SCN7A: variants seen among roughly 807,000 people sequenced by gnomAD.
SCN7A encodes sodium channel protein type 7 subunit alpha.
A neutral mutation model predicts 155.2 loss-of-function variants in SCN7A; 138 were observed. The observed-to-expected ratio is 0.89, with a 90% confidence interval of 0.77 to 1.02. The LOEUF is 1.02. Ranked by LOEUF, SCN7A falls within the 50% of genes least tolerant of loss-of-function variation. The probability of loss-of-function intolerance (pLI) is 0.00; values close to 1 mark genes in which losing one functional copy is unlikely to be tolerated. For missense variants in SCN7A, 2,058 were observed against 1,986.6 expected, an observed-to-expected ratio of 1.04 and a Z score of -0.68; for synonymous variants, 693 against 649.0, an observed-to-expected ratio of 1.07 and a Z score of -1.03.
At chr2:166,415,858 A>G (rs1701364125) in intron 21 of SCN7A, among the ~76,000 whole-genome samples, 1 of 152,172 alleles carries the variant, frequency 6.6e-6, no homozygotes, top group South Asian at 2.1e-4. Flanking sequence ...TTTTTAGGGA[A>G]CAAGGGAAGA....
chr2:166,477,588 C>A lies in SCN7A; in HGVS notation c.109G>T (p.Asp37Tyr), dbSNP rs369510530. 76 of 1,591,412 alleles carry A rather than the reference C, an allele frequency of 4.8e-5. No individual in the cohort carries two copies. Among genetic ancestry groups the A allele is most frequent in the Non-Finnish European group, 6.3e-5 (74 of 1,167,158 alleles). ...KTHNEDHEEE[D>Y]LKPTPDLEVG... ...TCCAAATCAGGAGTTGGCTTTAAGT[C>A]TTCTTCTTCATGGTCTTCATTATGT... is the stretch of plus-strand genomic sequence containing the variant. Residue 37 changes from aspartate to tyrosine, a missense_variant, in exon 3 of 26, where the codon GAC (aspartate) becomes TAC (tyrosine). Coordinates refer to ENST00000643258, the MANE Select transcript of SCN7A (RefSeq NM_002976.4).
chr2:166,471,729 G>GT (rs1051954923), intron 6 of SCN7A, among the ~76,000 whole-genome samples: 1 of 149,908 alleles, frequency 6.7e-6, no homozygotes, highest in Non-Finnish European at 1.5e-5. Context: ...AAAATGTGGG[G>GT]GGGGGGGTGG....
intron 2 of SCN7A, among the ~76,000 whole-genome samples, chr2:166,482,332 A>G (rs989231246): frequency 1.3e-5 from 2 of 152,128 alleles, no homozygotes; most frequent in African/African-American, 2.4e-5. Context: ...AAAATGGTTT[A>G]AACACCTTCC....
intron 11 of SCN7A, among the ~76,000 whole-genome samples, chr2:166,450,541 C>G (rs1220233503): frequency 6.6e-5 from 10 of 152,072 alleles, no homozygotes; most frequent in Non-Finnish European, 1.3e-4. Context: ...GTGGCTCACG[C>G]CTGTAATCCC....
chr2:166,453,960 C>T (rs1702227027), intron 11 of SCN7A, among the ~76,000 whole-genome samples: 1 of 151,816 alleles, frequency 6.6e-6, no homozygotes. Flanking sequence ...ATAAAATGTT[C>T]TAGGAATCTT....
chr2:166,407,416 G>A (rs1701099009), intron 25 of SCN7A, among the ~76,000 whole-genome samples: 1 of 151,920 alleles, frequency 6.6e-6, no homozygotes, highest in African/African-American at 2.4e-5. Flanking sequence ...GAGTTGAGAA[G>A]GTAGTGGAAG....
At chr2:166,413,217 C>G (rs1701240849) in intron 21 of SCN7A, 96 bp from the exon 22 acceptor site, 3 of 651,370 alleles carry the variant, frequency 4.6e-6, no homozygotes, top group Non-Finnish European at 5.3e-6. Flanking sequence ...TTGACATAGG[C>G]TTGCCACACT....
chr2:166,485,275 T>A (rs1157744187), intron 2 of SCN7A, among the ~76,000 whole-genome samples: 1 of 152,176 alleles, frequency 6.6e-6, no homozygotes, highest in Non-Finnish European at 1.5e-5. Flanking sequence ...CACTGGTGGA[T>A]CTGGTTCTAC....
At chr2:166,468,720 T>C (rs1702589920) in intron 7 of SCN7A, among the ~76,000 whole-genome samples, 1 of 152,072 alleles carries the variant, frequency 6.6e-6, no homozygotes, top group Admixed American at 6.6e-5. Context: ...GATACACATG[T>C]ACAGTTTGAG....
chr2:166,462,393 T>C lies in SCN7A; in HGVS notation c.1079A>G (p.His360Arg). The change falls in exon 10 of 26, where the codon CAC becomes CGC. Residue 360 changes from histidine (H) to arginine (R), a missense_variant. Coordinates refer to ENST00000643258, the MANE Select transcript of SCN7A (RefSeq NM_002976.4). Reference sequence around the variant, plus strand: ...ACAATTTCTCTCTGTTCTTACCTGGTGATAAAGTACTTCAGGGTAATCCTG... The same window carrying C: ...ACAATTTCTCTCTGTTCTTACCTGGCGATAAAGTACTTCAGGGTAATCCTG... ...MAQDYPEVLYHQILYASGKVY... is the reference protein window; with the variant it reads ...MAQDYPEVLYRQILYASGKVY... The C allele has an allele frequency of 6.3e-7, 1 of 1,587,342 alleles. No individual in the cohort carries two copies. Among genetic ancestry groups the C allele is most frequent in the East Asian group, 2.3e-5 (1 of 44,186 alleles).
rs1386691892 is a variant in SCN7A at position 166,456,911 on chromosome 2, G to A, written c.1249C>T (p.Gln417Ter). The part of the protein sequence containing the change: ...ISKKIEPKFQ[Q>*]TGKELQEGNE... ...CCTTCTTGAAGTTCTTTTCCAGTCT[G>A]TTGAAATTTTGGTTCAATCTTCTTA... Residue 417 changes from glutamine (Q) to a stop codon, truncating the protein, a stop_gained, in exon 11 of 26, where the codon CAG (glutamine) becomes TAG (stop). Transcript: ENST00000643258. LOFTEE classifies it high-confidence loss of function. 2 of 1,555,942 alleles carry A rather than the reference G, an allele frequency of 1.3e-6. No individual in the cohort carries two copies. Among genetic ancestry groups the A allele is most frequent in the African/African-American group, 2.7e-5 (2 of 73,310 alleles).
chr2:166,444,770 C>T lies in SCN7A; in HGVS notation c.1618G>A (p.Gly540Arg), dbSNP rs1382851032. The T allele has an allele frequency of 6.4e-7, 1 of 1,558,944 alleles. No homozygotes were observed. Among genetic ancestry groups the T allele is most frequent in the Non-Finnish European group, 8.8e-7 (1 of 1,140,578 alleles). Reference sequence around the variant, plus strand: ...TACAATGAGAGTCTTACCAGGTTTCCAATGTTGAGAAGAGTGTTAGTTTGT... The same window carrying T: ...TACAATGAGAGTCTTACCAGGTTTCTAATGTTGAGAAGAGTGTTAGTTTGT... The part of the protein sequence containing the change: ...SKQTNTLLNI[G>R]NLVFIGIFTA... The change falls in exon 13 of 26, where the codon GGA becomes AGA. Residue 540 changes from glycine to arginine, a missense_variant. Physicochemically the swap from Gly to Arg is moderately radical, Grantham distance 125 (BLOSUM62 -2). Transcript: ENST00000643258.
intron 11 of SCN7A, among the ~76,000 whole-genome samples, chr2:166,456,041 G>T (rs1429443712): frequency 6.6e-6 from 1 of 152,148 alleles, no homozygotes; most frequent in Non-Finnish European, 1.5e-5. Flanking sequence ...AAAAGAATGA[G>T]TTCACATCCT....
intron 13 of SCN7A, 104 bp downstream of exon 13, chr2:166,444,658 T>C (rs968253404): frequency 7.4e-6 from 5 of 675,304 alleles, no homozygotes; most frequent in South Asian, 2.0e-5. Context: ...TATTGCAACA[T>C]ATTGGAGTTA....
chr2:166,410,415 G>C (rs1373431341), intron 23 of SCN7A, 91 bp from the exon 24 acceptor site: 2 of 795,580 alleles, frequency 2.5e-6, no homozygotes, highest in Non-Finnish European at 3.8e-6. Flanking sequence ...GGCAATTATT[G>C]ATTTAATCTT....
At chr2:166,440,987 G>A (rs1701947470) in intron 15 of SCN7A, 1 of 236,242 alleles carries the variant, frequency 4.2e-6, no homozygotes, top group Non-Finnish European at 8.1e-6. Context: ...ACACTACCCA[G>A]AATGACATGC....
At chr2:166,463,265 C>T (rs745925444) in intron 9 of SCN7A, among the ~76,000 whole-genome samples, 4 of 152,128 alleles carry the variant, frequency 2.6e-5, no homozygotes, top group African/African-American at 4.8e-5. Flanking sequence ...TTGGGAGTTT[C>T]GGTCTTGTGT....
intron 7 of SCN7A, among the ~76,000 whole-genome samples, chr2:166,468,743 G>T (rs112328084): frequency 1.3e-5 from 2 of 151,864 alleles, no homozygotes; most frequent in African/African-American, 4.8e-5. Flanking sequence ...CTCTTGTATA[G>T]CTGAGAACAT....
chr2:166,425,061 A>G (rs1701593076), intron 18 of SCN7A, among the ~76,000 whole-genome samples: 1 of 152,142 alleles, frequency 6.6e-6, no homozygotes, highest in Admixed American at 6.6e-5. Context: ...TGAGTGGAAT[A>G]GAGATATAAA....
Sources: allele counts gnomAD v4.1 joint callset (sites outside exome capture counted in the v4.1 genomes callset), GRCh38; gene constraint gnomAD v4.1.1; transcripts MANE v1.5; gene names NCBI Gene and HGNC (gene_info 2026-07-23, HGNC 2026-07-21).